LRRC4C: variants seen among roughly 807,000 people sequenced by gnomAD.
LRRC4C encodes the protein leucine rich repeat containing 4C.
In LRRC4C, 5 loss-of-function variants were observed where a neutral mutation model predicts 33.6. That is an observed-to-expected ratio of 0.15 (90% confidence interval 0.08 to 0.31). The LOEUF (loss-of-function observed/expected upper bound fraction) is 0.31, where lower values mean the gene tolerates loss of function less well. Ranked by LOEUF, LRRC4C falls within the 10% of genes least tolerant of loss-of-function variation. The probability of loss-of-function intolerance (pLI) is 1.00; values close to 1 mark genes in which losing one functional copy is unlikely to be tolerated. For synonymous variants in LRRC4C, 329 were observed against 302.0 expected, an observed-to-expected ratio of 1.09 and a Z score of -0.93; for missense variants, 560 against 796.7, an observed-to-expected ratio of 0.70 and a Z score of 3.58.
At chr11:41,231,061 G>C (rs1289575679) in intron 1 of LRRC4C, among the ~76,000 whole-genome samples, 1 of 152,082 alleles carries the variant, frequency 6.6e-6, no homozygotes, top group African/African-American at 2.4e-5. Context: ...AAACCACAAT[G>C]AGATACCATC....
intron 2 of LRRC4C, among the ~76,000 whole-genome samples, chr11:40,701,090 T>A (rs1387099602): frequency 6.6e-6 from 1 of 152,158 alleles, no homozygotes; most frequent in African/African-American, 2.4e-5. Context: ...TAAAAGTGTC[T>A]AATTAAGATT....
chr11:40,666,277 A>T (rs1591413803), intron 2 of LRRC4C, among the ~76,000 whole-genome samples: 1 of 152,168 alleles, frequency 6.6e-6, no homozygotes, highest in East Asian at 1.9e-4. Flanking sequence ...TTAAATTAAT[A>T]TTACATATTT....
intron 1 of LRRC4C, among the ~76,000 whole-genome samples, chr11:41,403,417 T>G (rs1162026562): frequency 6.6e-6 from 1 of 152,098 alleles, no homozygotes; most frequent in Non-Finnish European, 1.5e-5. Flanking sequence ...TATATGTTTA[T>G]TTTTAAGTAG....
intron 1 of LRRC4C, among the ~76,000 whole-genome samples, chr11:41,083,027 C>T (rs1052429145): frequency 8.6e-5 from 13 of 151,856 alleles, no homozygotes; most frequent in Non-Finnish European, 8.8e-5. Flanking sequence ...AGGAATAAAG[C>T]GCTAGAGAGA....
chr11:40,551,597 C>A (rs1339617108), intron 3 of LRRC4C, among the ~76,000 whole-genome samples: 1 of 152,152 alleles, frequency 6.6e-6, no homozygotes, highest in African/African-American at 2.4e-5. Flanking sequence ...CTCCCCTGTA[C>A]TCCATATTTC....
At chr11:41,227,146 G>C (rs2136431303) in intron 1 of LRRC4C, among the ~76,000 whole-genome samples, 1 of 152,028 alleles carries the variant, frequency 6.6e-6, no homozygotes, top group East Asian at 1.9e-4. Flanking sequence ...CTCTCTTTTG[G>C]TTTCATGTTG....
At chr11:41,040,640 A>G (rs1857376694) in intron 1 of LRRC4C, among the ~76,000 whole-genome samples, 1 of 152,248 alleles carries the variant, frequency 6.6e-6, no homozygotes, top group African/African-American at 2.4e-5. Context: ...AAATAAAGGG[A>G]AAGTCTTGTG....
intron 3 of LRRC4C, among the ~76,000 whole-genome samples, chr11:40,574,584 C>A (rs976870737): frequency 6.6e-6 from 1 of 152,074 alleles, no homozygotes; most frequent in Non-Finnish European, 1.5e-5. Context: ...TCAAGCTAAC[C>A]AACTGTGTAA....
chr11:40,245,056 CCT>C (rs1218103265), intron 4 of LRRC4C, among the ~76,000 whole-genome samples: 8 of 152,098 alleles, frequency 5.3e-5, no homozygotes, highest in African/African-American at 1.9e-4. Context: ...TTGTTTGTGA[CCT>C]CTGTTGTAAA....
At chr11:41,320,332 C>A (rs1950920831) in intron 1 of LRRC4C, among the ~76,000 whole-genome samples, 1 of 152,150 alleles carries the variant, frequency 6.6e-6, no homozygotes, top group Non-Finnish European at 1.5e-5. Flanking sequence ...GAAAGAAAAG[C>A]TTCAATAAGG....
chr11:40,463,305 G>GGTGTGTGT lies in LRRC4C; in HGVS notation c.-269-143592_-269-143585dup, dbSNP rs33911904. 5.2e-3 allele frequency among the ~76,000 whole-genome samples: 751 copies of GGTGTGTGT among 144,588 alleles called. 7 individuals are homozygous for GGTGTGTGT. Among genetic ancestry groups the GGTGTGTGT allele is most frequent in the African/African-American group, 0.016 (636 of 39,264 alleles). 94.9% of individuals were successfully genotyped at this position (144,588 alleles called of 152,430 possible). A position where few individuals can be genotyped will look rare whatever the true frequency, so the allele number is the denominator to read the frequency against. On this transcript the variant is annotated intron_variant, in intron 3 of 6. Transcript: ENST00000528697. ...GATATAGGTGTGCGTATGTGTTACT[G>GGTGTGTGT]GTGTGTGTGTGTGTGTGTGTGTGTG...
rs529392369 is a variant in LRRC4C, at chr11:40,947,041, C to CAGA, written c.-495-13321_-495-13319dup. Among the ~76,000 whole-genome samples the CAGA allele has an allele frequency of 1.5e-3, 231 of 152,158 alleles. 2 individuals are homozygous for CAGA. The highest frequency in any genetic ancestry group is 5.5e-3 in the African/African-American group (227 of 41,528). ...CTTTTGGGTATAAGCGAAGTTAAGG[C>CAGA]AGAAGTCGTACATTTTTTTTCTTTA... On this transcript the variant is annotated intron_variant, in intron 1 of 6. Transcript: ENST00000528697.
At chr11:40,953,973 T>C (rs1958835463) in intron 1 of LRRC4C, among the ~76,000 whole-genome samples, 1 of 151,846 alleles carries the variant, frequency 6.6e-6, no homozygotes, top group Non-Finnish European at 1.5e-5. Context: ...CAAAGAAAAC[T>C]TGGAAATCCA....
At chr11:40,881,848 T>A (rs1955193320) in intron 2 of LRRC4C, among the ~76,000 whole-genome samples, 1 of 152,106 alleles carries the variant, frequency 6.6e-6, no homozygotes, top group African/African-American at 2.4e-5. Flanking sequence ...AATAAACTTG[T>A]GACTTGGAAC....
At chr11:40,209,116 T>C (rs1271562141) in intron 5 of LRRC4C, among the ~76,000 whole-genome samples, 1 of 152,178 alleles carries the variant, frequency 6.6e-6, no homozygotes, top group Non-Finnish European at 1.5e-5. Flanking sequence ...TTCCCTGTCC[T>C]TAAGGGATTC....
Position 40,696,095 on chromosome 11 carries a change from G to A in LRRC4C, c.-406-47817C>T, listed in dbSNP as rs866850730. 6.0e-4 allele frequency among the ~76,000 whole-genome samples: 83 copies of A among 139,218 alleles called. 1 individual carries two copies. In the South Asian group the frequency reaches 0.011, roughly 19 times the overall value. The allele number at this position is 139,218 out of a possible 152,430, so 91.3% of individuals were successfully genotyped here. On this transcript the variant is annotated intron_variant, in intron 2 of 6. Coordinates refer to ENST00000528697, the MANE Select transcript of LRRC4C (RefSeq NM_001258419.2). ...TGTGTATATATATATATGAGTGTGT[G>A]TATATATATATATATATATACTCAT...
At chr11:40,787,994 G>T (rs1380315604) in intron 2 of LRRC4C, among the ~76,000 whole-genome samples, 1 of 152,108 alleles carries the variant, frequency 6.6e-6, no homozygotes, top group South Asian at 2.1e-4. Context: ...ACAAAACACC[G>T]CACTGTTACC....
intron 3 of LRRC4C, among the ~76,000 whole-genome samples, chr11:40,394,488 C>G (rs1395657625): frequency 5.9e-5 from 9 of 152,120 alleles, no homozygotes; most frequent in Admixed American, 3.9e-4. Context: ...ACATGCTTTC[C>G]TGAATGGTCT....
chr11:40,685,370 T>C (rs1944903278), intron 2 of LRRC4C, among the ~76,000 whole-genome samples: 1 of 151,988 alleles, frequency 6.6e-6, no homozygotes, highest in African/African-American at 2.4e-5. Flanking sequence ...CTTCAATTTT[T>C]TTAATAAAAA....
Sources: allele counts gnomAD v4.1 joint callset (sites outside exome capture counted in the v4.1 genomes callset), GRCh38; gene constraint gnomAD v4.1.1; transcripts MANE v1.5; gene names NCBI Gene and HGNC (gene_info 2026-07-23, HGNC 2026-07-21).